The following SLC35F3 variants were observed in gnomAD, a reference collection of about 807,000 sequenced individuals.
SLC35F3 encodes the protein solute carrier family 35 member F3, also known as putative thiamine transporter SLC35F3.
SLC35F3 carries 25 observed loss-of-function variants against 49.9 expected under a neutral mutation model. The observed-to-expected ratio is 0.50, with a 90% CI of 0.37 to 0.70. SLC35F3 has a LOEUF of 0.70. Among genes scored for constraint, SLC35F3 ranks in the 30% least tolerant of loss-of-function variants. The pLI is 0.00. For synonymous variants in SLC35F3, 275 were observed against 265.4 expected, an observed-to-expected ratio of 1.04 and a Z score of -0.35; for missense variants, 525 against 639.8, an observed-to-expected ratio of 0.82 and a Z score of 1.94.
intron 2 of SLC35F3, among the ~76,000 whole-genome samples, chr1:233,916,708 G>A (rs1368300892): frequency 6.6e-6 from 1 of 152,216 alleles, no homozygotes; most frequent in African/African-American, 2.4e-5. Context: ...TCTGGTGATT[G>A]TCTCTCAATA....
intron 2 of SLC35F3, among the ~76,000 whole-genome samples, chr1:234,077,255 C>T (rs1243953782): frequency 2.6e-5 from 4 of 151,992 alleles, no homozygotes; most frequent in African/African-American, 7.2e-5. Context: ...CCACCCGCCT[C>T]GGCCTCCCAA....
intron 2 of SLC35F3, among the ~76,000 whole-genome samples, chr1:233,966,069 G>A (rs1025296227): frequency 6.6e-6 from 1 of 152,112 alleles, no homozygotes; most frequent in African/African-American, 2.4e-5. Flanking sequence ...CAGCCCTTAG[G>A]CCAAACCCCA....
chr1:234,080,003 C>T (rs1177102513), intron 2 of SLC35F3, among the ~76,000 whole-genome samples: 1 of 152,136 alleles, frequency 6.6e-6, no homozygotes, highest in African/African-American at 2.4e-5. Flanking sequence ...TCATCAATAC[C>T]TGAGTGTGTG....
intron 2 of SLC35F3, among the ~76,000 whole-genome samples, chr1:233,983,490 A>G (rs1663218072): frequency 6.6e-6 from 1 of 152,258 alleles, no homozygotes; most frequent in African/African-American, 2.4e-5. Context: ...GAAGCATAGC[A>G]AAAGGCAAGA....
chr1:234,120,348 A>G (rs189360589), intron 2 of SLC35F3, among the ~76,000 whole-genome samples: 2 of 152,302 alleles, frequency 1.3e-5, no homozygotes, highest in Non-Finnish European at 2.9e-5. Flanking sequence ...AGGACTTTTT[A>G]TTGTTCTGGG....
intron 2 of SLC35F3, among the ~76,000 whole-genome samples, chr1:234,032,825 G>A (rs1022534722): frequency 1.3e-5 from 2 of 152,104 alleles, no homozygotes; most frequent in African/African-American, 2.4e-5. Flanking sequence ...TGCTATAAAC[G>A]TGTGTGCAAG....
intron 2 of SLC35F3, among the ~76,000 whole-genome samples, chr1:233,983,965 T>C (rs1311145704): frequency 6.6e-6 from 1 of 152,198 alleles, no homozygotes; most frequent in African/African-American, 2.4e-5. Flanking sequence ...GCTCAGGAAC[T>C]AGGATTATCA....
At position 234,024,220 on chromosome 1, in the gene SLC35F3, TA is replaced by T. The variant is rs141020545; in HGVS notation, c.283+118473del. Among the ~76,000 whole-genome samples the T allele has an allele frequency of 5.3e-3, 770 of 144,094 alleles. 1 individual carries two copies. The highest frequency in any genetic ancestry group is 0.013 in the African/African-American group (498 of 39,724). The allele number at this position is 144,094 out of a possible 152,430, so 94.5% of individuals were successfully genotyped here. A position where few individuals can be genotyped will look rare whatever the true frequency, so the allele number is the denominator to read the frequency against. On this transcript the variant is annotated intron_variant, in intron 2 of 7. Coordinates refer to ENST00000366618, the MANE Select transcript of SLC35F3 (RefSeq NM_173508.4). Reference sequence around the variant, plus strand: ...CTATTCTAAAAATAAACGCTTCTGATAAAAAAAAAAAGCACTAGGCATTAGA... The same window carrying T: ...CTATTCTAAAAATAAACGCTTCTGATAAAAAAAAAAGCACTAGGCATTAGA...
At chr1:234,050,339 G>A (rs1399959306) in intron 2 of SLC35F3, among the ~76,000 whole-genome samples, 20 of 152,316 alleles carry the variant, frequency 1.3e-4, no homozygotes, top group African/African-American at 3.8e-4. Context: ...TCTAACTGGT[G>A]TGAGATGGTA....
chr1:233,970,263 G>T (rs888763648), intron 2 of SLC35F3, among the ~76,000 whole-genome samples: 4 of 152,186 alleles, frequency 2.6e-5, no homozygotes, highest in African/African-American at 4.8e-5. Flanking sequence ...AAAGGGAACA[G>T]TGATGGGAAT....
At chr1:233,921,132 A>T (rs1242686630) in intron 2 of SLC35F3, among the ~76,000 whole-genome samples, 1 of 152,274 alleles carries the variant, frequency 6.6e-6, no homozygotes, top group East Asian at 1.9e-4. Flanking sequence ...ACCACAAGAC[A>T]TATAGAACTC....
chr1:234,248,861 C>A (rs942252787), intron 3 of SLC35F3, among the ~76,000 whole-genome samples: 6 of 152,192 alleles, frequency 3.9e-5, no homozygotes, highest in African/African-American at 1.4e-4. Flanking sequence ...GAGTCATAGA[C>A]CCCTACTCAG....
At chr1:234,021,623 C>T (rs1663897518) in intron 2 of SLC35F3, among the ~76,000 whole-genome samples, 1 of 152,192 alleles carries the variant, frequency 6.6e-6, no homozygotes, top group South Asian at 2.1e-4. Context: ...GGCAGACAGC[C>T]AATGTTGAAA....
At chr1:234,077,300 G>A (rs1180506407) in intron 2 of SLC35F3, among the ~76,000 whole-genome samples, 6 of 152,178 alleles carry the variant, frequency 3.9e-5, no homozygotes, top group African/African-American at 1.2e-4. Context: ...CACCGCGCCC[G>A]GCCAAGAAAG....
intron 2 of SLC35F3, among the ~76,000 whole-genome samples, chr1:233,944,093 T>G (rs1662474183): frequency 6.6e-6 from 1 of 152,110 alleles, no homozygotes; most frequent in South Asian, 2.1e-4. Flanking sequence ...GCTAGAAAGA[T>G]CTCAATTTAA....
At position 234,231,564 on chromosome 1, in the gene SLC35F3, G is replaced by A. The variant is rs1368443020; in HGVS notation, c.431G>A (p.Cys144Tyr). Residue 144 changes from cysteine (C) to tyrosine (Y), a missense_variant, in exon 3 of 8, where the codon TGC becomes TAC. By Grantham distance (194) the Cys-to-Tyr change is radical (BLOSUM62 -2). Coordinates refer to ENST00000366618, the MANE Select transcript of SLC35F3 (RefSeq NM_173508.4). The surrounding 1 kb of genome is among the most constrained non-coding windows in gnomAD (Gnocchi z 5.4). ...KIFWGVAVVL[C>Y]VCSSWAGSTQ... ...TTCTGGGGCGTGGCGGTCGTGCTGT[G>A]CGTGTGCTCCTCGTGGGCGGGCTCC... 1.9e-6 allele frequency: 3 copies of A among 1,614,164 alleles called. No homozygotes were observed. In the Admixed American group the frequency reaches 5.0e-5, roughly 27 times the overall value.
intron 2 of SLC35F3, among the ~76,000 whole-genome samples, chr1:234,219,692 C>T (rs574944458): frequency 6.6e-6 from 1 of 152,232 alleles, no homozygotes; most frequent in Non-Finnish European, 1.5e-5. Context: ...GTCATTACCC[C>T]CTTCTTCGCC....
At chr1:234,216,650 C>T (rs370122023) in intron 2 of SLC35F3, among the ~76,000 whole-genome samples, 3 of 152,180 alleles carry the variant, frequency 2.0e-5, no homozygotes, top group East Asian at 1.9e-4. Context: ...CTGTGGATAA[C>T]GGAAATGTAT....
At chr1:234,032,345 A>G (rs554105181) in intron 2 of SLC35F3, among the ~76,000 whole-genome samples, 1 of 151,876 alleles carries the variant, frequency 6.6e-6, no homozygotes, top group Admixed American at 6.5e-5. Context: ...TCATTTTCTT[A>G]GATTCTTTTT....
Sources: gnomAD v4.1 joint callset for allele counts (sites outside exome capture counted in the v4.1 genomes callset) on GRCh38, gnomAD v4.1.1 for gene constraint, Gnocchi (gnomAD v3.1) non-coding constraint, MANE v1.5 for transcripts, NCBI Gene and HGNC (gene_info 2026-07-23, HGNC 2026-07-21) for gene names.